The following DLG2 variants were observed in gnomAD, a reference collection of about 807,000 sequenced individuals.
DLG2 encodes the protein discs large MAGUK scaffold protein 2.
In DLG2, 45 loss-of-function variants were observed where a neutral mutation model predicts 132.5. That is an observed-to-expected ratio of 0.34 (90% CI 0.27 to 0.44). The LOEUF is 0.44. Ranked by LOEUF, DLG2 falls within the 20% of genes least tolerant of loss-of-function variation. The pLI is 1.00. For synonymous variants in DLG2, 424 were observed against 419.6 expected, an observed-to-expected ratio of 1.01 and a Z score of -0.13; for missense variants, 1,045 against 1,196.9, an observed-to-expected ratio of 0.87 and a Z score of 1.87.
chr11:84,491,662 T>C (rs955990985), intron 7 of DLG2, among the ~76,000 whole-genome samples: 2 of 152,172 alleles, frequency 1.3e-5, no homozygotes, highest in Non-Finnish European at 2.9e-5. Flanking sequence ...CCATTTTAGA[T>C]GGTCAAAGCA....
At chr11:84,151,040 T>C (rs534478001) in intron 9 of DLG2, among the ~76,000 whole-genome samples, 1 of 152,320 alleles carries the variant, frequency 6.6e-6, no homozygotes, top group Non-Finnish European at 1.5e-5. Context: ...TGTATCTATG[T>C]TCACATCAGG....
intron 4 of DLG2, among the ~76,000 whole-genome samples, chr11:85,262,557 A>G (rs2076997894): frequency 6.6e-6 from 1 of 152,232 alleles, no homozygotes. Context: ...TAATCACCCT[A>G]GCACCTGGAT....
intron 6 of DLG2, among the ~76,000 whole-genome samples, chr11:84,757,499 C>T (rs1465718677): frequency 1.3e-5 from 2 of 152,062 alleles, no homozygotes; most frequent in Non-Finnish European, 1.5e-5. Flanking sequence ...TGGTATTCTA[C>T]AAGATTATTT....
intron 21 of DLG2, among the ~76,000 whole-genome samples, chr11:83,490,568 C>T (rs1337041928): frequency 6.6e-6 from 1 of 151,872 alleles, no homozygotes; most frequent in African/African-American, 2.4e-5. Context: ...TTTATCTCTT[C>T]CCAGATTATT....
At position 85,571,927 on chromosome 11, in the gene DLG2, T is replaced by C. The variant is rs189739190; in HGVS notation, c.40+26730A>G. Among the ~76,000 whole-genome samples, 168 of 152,310 alleles carry C rather than the reference T, an allele frequency of 1.1e-3. 1 individual carries two copies. The highest frequency in any genetic ancestry group is 3.9e-3 in the African/African-American group (163 of 41,568). On this transcript the variant is annotated intron_variant, in intron 3 of 27. Coordinates refer to ENST00000376104, the MANE Select transcript of DLG2 (RefSeq NM_001142699.3). Reference sequence around the variant, plus strand: ...AGCTACCAGATATATTTATCTGTTTTAATAGATATACCCGTAGCAGAAATG... The same window carrying C: ...AGCTACCAGATATATTTATCTGTTTCAATAGATATACCCGTAGCAGAAATG...
Position 85,262,660 on chromosome 11 carries a change from T to C in DLG2, c.186+22560A>G, listed in dbSNP as rs189625046. ...GATGAGAAAAAGTTAACCACGTCTATCTTTAGATGAATGCACACTTACACA... is the reference window on the plus strand; with the variant it reads ...GATGAGAAAAAGTTAACCACGTCTACCTTTAGATGAATGCACACTTACACA... On this transcript the variant is annotated intron_variant, in intron 4 of 27. Coordinates refer to ENST00000376104, the MANE Select transcript of DLG2 (RefSeq NM_001142699.3). Among the ~76,000 whole-genome samples the C allele has an allele frequency of 2.5e-4, 38 of 152,300 alleles. 1 individual carries two copies. In the East Asian group the frequency reaches 7.2e-3, roughly 29 times the overall value.
At chr11:85,599,649 G>A (rs1409465166) in intron 2 of DLG2, among the ~76,000 whole-genome samples, 6 of 152,108 alleles carry the variant, frequency 3.9e-5, no homozygotes, top group Admixed American at 3.3e-4. Flanking sequence ...AAATAATCAA[G>A]TAAGTCAACT....
At chr11:84,831,967 C>A (rs1182711980) in intron 6 of DLG2, among the ~76,000 whole-genome samples, 1 of 151,508 alleles carries the variant, frequency 6.6e-6, no homozygotes, top group Non-Finnish European at 1.5e-5. Flanking sequence ...TCTTAAATGG[C>A]AGGTACTGTT....
intron 17 of DLG2, among the ~76,000 whole-genome samples, chr11:83,813,149 G>T (rs1300005637): frequency 6.6e-6 from 1 of 152,156 alleles, no homozygotes; most frequent in East Asian, 1.9e-4. Flanking sequence ...AGTAAAGCAG[G>T]GTTCAAGCCT....
chr11:83,790,010 G>C lies in DLG2; in HGVS notation c.1723-3218C>G, dbSNP rs563185789. ...CTGTAAATAATCCTTCATTTTGTTT[G>C]GCAAAGGCAGTTTCTGAATTAAGTC... On this transcript the variant is annotated intron_variant, in intron 17 of 27. Coordinates refer to ENST00000376104, the MANE Select transcript of DLG2 (RefSeq NM_001142699.3). The C allele has an allele frequency of 2.2e-6, 3 of 1,370,062 alleles. No individual in the cohort carries two copies. In the African/African-American group the frequency reaches 4.4e-5, roughly 20 times the overall value. The allele number at this position is 1,370,062 out of a possible 1,614,324, so 84.9% of individuals were successfully genotyped here. A position where few individuals can be genotyped will look rare whatever the true frequency, so the allele number is the denominator to read the frequency against.
At chr11:85,217,910 T>C (rs961904793) in intron 4 of DLG2, among the ~76,000 whole-genome samples, 1 of 152,222 alleles carries the variant, frequency 6.6e-6, no homozygotes, top group Non-Finnish European at 1.5e-5. Context: ...TTACTTTTTT[T>C]TGAAGGCTTA....
chr11:85,435,961 G>T (rs1182369980), intron 3 of DLG2, among the ~76,000 whole-genome samples: 1 of 151,902 alleles, frequency 6.6e-6, no homozygotes, highest in African/African-American at 2.4e-5. Flanking sequence ...TACCAAAACA[G>T]ACACATAGAC....
Position 84,534,491 on chromosome 11 carries a change from G to A in DLG2, c.519+79C>T, listed in dbSNP as rs1276286065. 9.9e-6 allele frequency: 14 copies of A among 1,416,080 alleles called. No individual in the cohort carries two copies. The Middle Eastern group carries it at 5.7e-4, about 57-fold the overall frequency. 87.7% of individuals were successfully genotyped at this position (1,416,080 alleles called of 1,614,324 possible). On this transcript the variant is annotated intron_variant, in intron 7 of 27. Coordinates refer to ENST00000376104, the MANE Select transcript of DLG2 (RefSeq NM_001142699.3). ...TGTTTTAAAAGAGCCTCATTTAATC[G>A]GGCCAGCAAACATCTCCATTAGCAA...
At chr11:85,322,792 T>G (rs956466908) in intron 3 of DLG2, among the ~76,000 whole-genome samples, 21 of 152,156 alleles carry the variant, frequency 1.4e-4, no homozygotes, top group African/African-American at 5.1e-4. Flanking sequence ...AATTATGAAG[T>G]CTATAGATCC....
intron 4 of DLG2, among the ~76,000 whole-genome samples, chr11:85,160,950 G>A (rs937042920): frequency 9.9e-5 from 15 of 152,170 alleles, no homozygotes; most frequent in African/African-American, 2.4e-4. Context: ...AGTGTACCTC[G>A]TTCCACACTT....
chr11:83,601,639 G>GTAGC (rs988976436), intron 19 of DLG2, among the ~76,000 whole-genome samples: 1 of 92,058 alleles, frequency 1.1e-5, no homozygotes, highest in African/African-American at 3.5e-5. Context: ...GGCCTCCCAT[G>GTAGC]TAGCTGGGAC....
At chr11:84,238,387 C>A (rs371742578) in intron 8 of DLG2, among the ~76,000 whole-genome samples, 5 of 152,096 alleles carry the variant, frequency 3.3e-5, no homozygotes, top group East Asian at 3.9e-4. Context: ...TGGTGGCACA[C>A]GCCTGTAGTC....
chr11:84,502,046 CTTTTCTTTTCTTT>C (rs1297728305), intron 7 of DLG2, among the ~76,000 whole-genome samples: 33 of 151,756 alleles, frequency 2.2e-4, no homozygotes, highest in African/African-American at 5.8e-4. Flanking sequence ...CTTTGCCTTT[CTTTTCTTTTCTTT>C]TTTTCTTTTC....
chr11:85,584,443 G>A (rs1035319680), intron 3 of DLG2, among the ~76,000 whole-genome samples: 7 of 151,648 alleles, frequency 4.6e-5, no homozygotes, highest in African/African-American at 1.7e-4. Context: ...CAGTTTTGCA[G>A]TTATAAATTG....
Sources: allele counts gnomAD v4.1 joint callset (sites outside exome capture counted in the v4.1 genomes callset), GRCh38; gene constraint gnomAD v4.1.1; transcripts MANE v1.5; gene names NCBI Gene and HGNC (gene_info 2026-07-23, HGNC 2026-07-21).